The following MACROD2 variants were observed in gnomAD, a reference collection of about 807,000 sequenced individuals.
The protein encoded by MACROD2 is ADP-ribose glycohydrolase MACROD2.
In MACROD2, 36 loss-of-function variants were observed where a neutral mutation model predicts 70.4. The observed-to-expected ratio is 0.51, with a 90% confidence interval of 0.39 to 0.68. The LOEUF is 0.68. Ranked by LOEUF, MACROD2 falls within the 30% of genes least tolerant of loss-of-function variation. The probability of loss-of-function intolerance (pLI) is 0.00; values close to 1 mark genes in which losing one functional copy is unlikely to be tolerated. For missense variants in MACROD2, 496 were observed against 538.4 expected, an observed-to-expected ratio of 0.92 and a Z score of 0.78; for synonymous variants, 172 against 178.8, an observed-to-expected ratio of 0.96 and a Z score of 0.30.
chr20:14,928,746 T>C (rs758084816), intron 5 of MACROD2, among the ~76,000 whole-genome samples: 17 of 152,148 alleles, frequency 1.1e-4, no homozygotes, highest in Non-Finnish European at 2.1e-4. Context: ...AAAAATCATA[T>C]AATATGGGTT....
intron 5 of MACROD2, among the ~76,000 whole-genome samples, chr20:15,212,414 C>G (rs1394067775): frequency 6.6e-6 from 1 of 152,158 alleles, no homozygotes; most frequent in Non-Finnish European, 1.5e-5. Context: ...TGAGCTCTTC[C>G]TACTGCAAAA....
intron 3 of MACROD2, among the ~76,000 whole-genome samples, chr20:14,459,202 C>T (rs561495112): frequency 7.9e-5 from 12 of 151,688 alleles, no homozygotes; most frequent in African/African-American, 2.7e-4. Context: ...AAAATATATT[C>T]GTTTGATGTG....
intron 8 of MACROD2, among the ~76,000 whole-genome samples, chr20:15,562,938 C>T (rs1358549821): frequency 6.6e-6 from 1 of 152,166 alleles, no homozygotes; most frequent in African/African-American, 2.4e-5. Context: ...TCTTATGGTG[C>T]ATGTCATGTT....
chr20:14,721,900 T>C (rs769061596), intron 5 of MACROD2, among the ~76,000 whole-genome samples: 2 of 152,134 alleles, frequency 1.3e-5, no homozygotes, highest in African/African-American at 4.8e-5. Context: ...TCCCCTTCTC[T>C]TAAGGAACCG....
chr20:15,941,169 G>A (rs2065746625), intron 12 of MACROD2, among the ~76,000 whole-genome samples: 1 of 152,136 alleles, frequency 6.6e-6, no homozygotes, highest in African/African-American at 2.4e-5. Flanking sequence ...GTAACTCCAT[G>A]AAGGAGTTCT....
At chr20:15,351,775 C>T (rs2078229784) in intron 6 of MACROD2, among the ~76,000 whole-genome samples, 1 of 152,160 alleles carries the variant, frequency 6.6e-6, no homozygotes, top group African/African-American at 2.4e-5. Flanking sequence ...TAACTTTTAG[C>T]ACAAATGAAA....
At chr20:14,656,749 C>G (rs1024602787) in intron 4 of MACROD2, among the ~76,000 whole-genome samples, 3 of 152,146 alleles carry the variant, frequency 2.0e-5, no homozygotes, top group Admixed American at 6.5e-5. Flanking sequence ...TGTCATTACT[C>G]TGGGGGTTAT....
chr20:14,956,240 G>T (rs76123380), intron 5 of MACROD2, among the ~76,000 whole-genome samples: 9 of 152,094 alleles, frequency 5.9e-5, no homozygotes, highest in Non-Finnish European at 1.3e-4. Context: ...AGGTGGTGAC[G>T]AACTGCAGCT....
At chr20:14,344,575 T>C (rs1161028063) in intron 3 of MACROD2, among the ~76,000 whole-genome samples, 1 of 152,204 alleles carries the variant, frequency 6.6e-6, no homozygotes, top group Non-Finnish European at 1.5e-5. Flanking sequence ...ACATTTGAAG[T>C]GTATTCATGC....
At chr20:14,811,717 C>CTTT (rs1316679404) in intron 5 of MACROD2, among the ~76,000 whole-genome samples, 1 of 151,890 alleles carries the variant, frequency 6.6e-6, no homozygotes, top group African/African-American at 2.4e-5. Context: ...CTACAAGGAA[C>CTTT]TTAAACAAAT....
intron 4 of MACROD2, among the ~76,000 whole-genome samples, chr20:14,529,488 T>C (rs2085276392): frequency 6.6e-6 from 1 of 152,198 alleles, no homozygotes; most frequent in Non-Finnish European, 1.5e-5. Context: ...TGTCATTATA[T>C]GACAATAATT....
intron 3 of MACROD2, among the ~76,000 whole-genome samples, chr20:14,105,327 A>G (rs2054354909): frequency 6.6e-6 from 1 of 152,212 alleles, no homozygotes; most frequent in African/African-American, 2.4e-5. Context: ...GGTACAGAGA[A>G]TCTGAATTTG....
chr20:14,304,415 T>A (rs2082502319), intron 3 of MACROD2, among the ~76,000 whole-genome samples: 1 of 152,190 alleles, frequency 6.6e-6, no homozygotes, highest in Admixed American at 6.5e-5. Flanking sequence ...CCAGTATTTT[T>A]AAAAAGAAGT....
chr20:15,591,120 T>C (rs748686234), intron 8 of MACROD2, among the ~76,000 whole-genome samples: 6 of 152,200 alleles, frequency 3.9e-5, no homozygotes, highest in African/African-American at 7.2e-5. Flanking sequence ...ATGGTCTTCA[T>C]GGTCTGAACT....
chr20:15,062,023 C>T (rs2075536525), intron 5 of MACROD2, among the ~76,000 whole-genome samples: 1 of 152,178 alleles, frequency 6.6e-6, no homozygotes, highest in African/African-American at 2.4e-5. Context: ...GCTCTGAAGG[C>T]AGAGCAAGGG....
chr20:15,907,073 C>T (rs1036509803), intron 10 of MACROD2, among the ~76,000 whole-genome samples: 19 of 152,198 alleles, frequency 1.2e-4, no homozygotes, highest in African/African-American at 4.6e-4. Context: ...TTTATATCCT[C>T]GTGGACTCAT....
chr20:14,887,788 T>A (rs1354901874), intron 5 of MACROD2, among the ~76,000 whole-genome samples: 1 of 151,924 alleles, frequency 6.6e-6, no homozygotes, highest in Non-Finnish European at 1.5e-5. Context: ...AAGGAGACAC[T>A]TGGCCACTAT....
intron 5 of MACROD2, among the ~76,000 whole-genome samples, chr20:14,692,341 C>CT (rs755545127): frequency 6.6e-6 from 1 of 152,134 alleles, no homozygotes; most frequent in Non-Finnish European, 1.5e-5. Flanking sequence ...CAGATTAGGG[C>CT]TTTTTTTGAA....
chr20:15,699,596 C>T (rs550145654), intron 8 of MACROD2, among the ~76,000 whole-genome samples: 1 of 152,282 alleles, frequency 6.6e-6, no homozygotes, highest in Non-Finnish European at 1.5e-5. Flanking sequence ...AGAGCCGCCG[C>T]TGTGTCCCCT....
Sources: gnomAD v4.1 joint callset for allele counts (sites outside exome capture counted in the v4.1 genomes callset) on GRCh38, gnomAD v4.1.1 for gene constraint, MANE v1.5 for transcripts, NCBI Gene and HGNC (gene_info 2026-07-23, HGNC 2026-07-21) for gene names.